Variants in GLRA3 observed in about 807,000 individuals in gnomAD.
The protein encoded by GLRA3 is glycine receptor subunit alpha-3.
A neutral mutation model predicts 60.4 loss-of-function variants in GLRA3; 44 were observed. That is an observed-to-expected ratio of 0.73 (90% confidence interval 0.57 to 0.94). The LOEUF (loss-of-function observed/expected upper bound fraction) is 0.94. GLRA3 is among the 40% of genes least tolerant of loss of function. The pLI is 0.00. For synonymous variants in GLRA3, 223 were observed against 192.9 expected, an observed-to-expected ratio of 1.16 and a Z score of -1.29; for missense variants, 508 against 564.6, an observed-to-expected ratio of 0.90 and a Z score of 1.02.
chr4:174,703,109 G>A, intron 5 of GLRA3, among the ~76,000 whole-genome samples: 1 of 152,180 alleles, frequency 6.6e-6, no homozygotes, highest in Non-Finnish European at 1.5e-5. Flanking sequence ...CTATAAGTGG[G>A]CTATGTTGTG....
At chr4:174,746,747 C>T (rs554941836) in intron 3 of GLRA3, among the ~76,000 whole-genome samples, 1 of 152,218 alleles carries the variant, frequency 6.6e-6, no homozygotes, top group Admixed American at 6.5e-5. Flanking sequence ...ATGGTAAACC[C>T]ATGTGAAAAT....
At chr4:174,809,870 C>G (rs1325887008) in intron 1 of GLRA3, among the ~76,000 whole-genome samples, 4 of 152,044 alleles carry the variant, frequency 2.6e-5, no homozygotes, top group Non-Finnish European at 5.9e-5. Flanking sequence ...AATCCATATG[C>G]AAATTTTACT....
At chr4:174,663,625 CTTCACCAA>C (rs1216670790) in intron 7 of GLRA3, among the ~76,000 whole-genome samples, 1 of 152,168 alleles carries the variant, frequency 6.6e-6, no homozygotes, top group African/African-American at 2.4e-5. Context: ...CTTCGAACCC[CTTCACCAA>C]TTTCAAGTCT....
At chr4:174,680,393 G>A (rs1285201129) in intron 6 of GLRA3, among the ~76,000 whole-genome samples, 1 of 152,096 alleles carries the variant, frequency 6.6e-6, no homozygotes, top group Non-Finnish European at 1.5e-5. Context: ...CAAAAAATAA[G>A]TAAACATAAA....
intron 1 of GLRA3, among the ~76,000 whole-genome samples, chr4:174,813,711 A>G (rs935393524): frequency 2.6e-5 from 4 of 152,188 alleles, no homozygotes; most frequent in African/African-American, 9.7e-5. Flanking sequence ...TTTAGTTCCA[A>G]AGACTTAGCC....
chr4:174,678,527 T>A (rs1370818263), intron 6 of GLRA3, among the ~76,000 whole-genome samples: 1 of 152,184 alleles, frequency 6.6e-6, no homozygotes, highest in Admixed American at 6.6e-5. Flanking sequence ...GTGCAAAGCT[T>A]CTATTCATGT....
rs1479963696 is a variant in GLRA3, at chr4:174,772,469, G to GACTATTTACT, written c.200-5440_200-5439insAGTAAATAGT. ...TTGGTTCCCATTTGACTATTTACTT[G>GACTATTTACT]TGTATATATTTTCTTCTTCAGCAGA... On this transcript the variant is annotated intron_variant, in intron 2 of 9. Transcript: ENST00000274093. 6.4e-4 allele frequency among the ~76,000 whole-genome samples: 98 copies of GACTATTTACT among 152,158 alleles called. 1 individual carries two copies. Among genetic ancestry groups the GACTATTTACT allele is most frequent in the Non-Finnish European group, 1.3e-3 (87 of 68,036 alleles).
chr4:174,678,727 A>G (rs1734224474), intron 6 of GLRA3, among the ~76,000 whole-genome samples: 1 of 152,220 alleles, frequency 6.6e-6, no homozygotes, highest in South Asian at 2.1e-4. Flanking sequence ...TGATTTATCA[A>G]ATATATACAA....
At chr4:174,817,897 G>A (rs910745582) in intron 1 of GLRA3, among the ~76,000 whole-genome samples, 1 of 152,078 alleles carries the variant, frequency 6.6e-6, no homozygotes, top group Non-Finnish European at 1.5e-5. Context: ...GTGAGCCAGT[G>A]CGCCTGACCA....
chr4:174,760,654 G>A (rs1363590392), intron 3 of GLRA3, among the ~76,000 whole-genome samples: 1 of 152,060 alleles, frequency 6.6e-6, no homozygotes, highest in Non-Finnish European at 1.5e-5. Flanking sequence ...CCGAGTAGCC[G>A]GAATTACCGG....
chr4:174,783,423 T>A (rs1579600929), intron 2 of GLRA3, among the ~76,000 whole-genome samples: 1 of 129,280 alleles, frequency 7.7e-6, no homozygotes, highest in Non-Finnish European at 1.7e-5. Flanking sequence ...GGACTTCATG[T>A]CTAAAACACC....
At chr4:174,773,585 A>G (rs1478447902) in intron 2 of GLRA3, among the ~76,000 whole-genome samples, 2 of 152,246 alleles carry the variant, frequency 1.3e-5, no homozygotes, top group Non-Finnish European at 2.9e-5. Context: ...AAATTTCAAA[A>G]TAATTCCAAC....
At chr4:174,813,163 C>T (rs979815721) in intron 1 of GLRA3, among the ~76,000 whole-genome samples, 1 of 152,160 alleles carries the variant, frequency 6.6e-6, no homozygotes, top group African/African-American at 2.4e-5. Context: ...GTTTCAGTCT[C>T]ATATTTTCCA....
intron 9 of GLRA3, among the ~76,000 whole-genome samples, chr4:174,655,882 G>C (rs908222663): frequency 2.6e-5 from 4 of 152,048 alleles, no homozygotes; most frequent in Admixed American, 6.6e-5. Context: ...AATCTGTTAT[G>C]AGGTTGAGAT....
chr4:174,790,584 C>T (rs1377261378), intron 1 of GLRA3, among the ~76,000 whole-genome samples: 2 of 151,784 alleles, frequency 1.3e-5, no homozygotes, highest in Non-Finnish European at 2.9e-5. Context: ...CAAAATCTCT[C>T]CTTTCAATTA....
chr4:174,700,405 T>C (rs544044416), intron 5 of GLRA3, among the ~76,000 whole-genome samples: 1 of 152,308 alleles, frequency 6.6e-6, no homozygotes, highest in South Asian at 2.1e-4. Context: ...ACGATATCTG[T>C]AATAATAATC....
intron 2 of GLRA3, among the ~76,000 whole-genome samples, chr4:174,776,815 C>T (rs1056370403): frequency 2.0e-5 from 3 of 152,058 alleles, no homozygotes; most frequent in Admixed American, 6.6e-5. Context: ...ATAGCACCTG[C>T]GTAGCAGCTT....
chr4:174,729,462 C>T (rs1001753105), intron 3 of GLRA3, among the ~76,000 whole-genome samples: 2 of 151,996 alleles, frequency 1.3e-5, no homozygotes, highest in Non-Finnish European at 2.9e-5. Flanking sequence ...TAATAAAGGA[C>T]GATTATTGTC....
At chr4:174,649,184 T>C (rs2110855926) in intron 9 of GLRA3, among the ~76,000 whole-genome samples, 1 of 152,264 alleles carries the variant, frequency 6.6e-6, no homozygotes, top group South Asian at 2.1e-4. Context: ...TGAACACAGC[T>C]TCTTGCAATT....
Sources: allele counts gnomAD v4.1 joint callset (sites outside exome capture counted in the v4.1 genomes callset), GRCh38; gene constraint gnomAD v4.1.1; transcripts MANE v1.5; gene names NCBI Gene and HGNC (gene_info 2026-07-23, HGNC 2026-07-21).